Variants in TMEM232 observed in about 807,000 individuals in gnomAD.
The protein encoded by TMEM232 is transmembrane protein 232.
A neutral mutation model predicts 78.8 loss-of-function variants in TMEM232; 80 were observed. The ratio of observed to expected loss-of-function variants is 1.01; its 90% CI spans 0.85 to 1.22. TMEM232 has a LOEUF of 1.22. Among genes scored for constraint, TMEM232 ranks in the 50% most tolerant of loss-of-function variants. The probability of loss-of-function intolerance (pLI) is 0.00; values close to 1 mark genes in which losing one functional copy is unlikely to be tolerated. For missense variants in TMEM232, 881 were observed against 742.2 expected (o/e 1.19, Z -2.17); for synonymous variants, 297 against 254.3 (o/e 1.17, Z -1.60).
intron 12 of TMEM232, among the ~76,000 whole-genome samples, chr5:110,515,527 G>C (rs1768485402): frequency 6.6e-6 from 1 of 152,158 alleles, no homozygotes; most frequent in Non-Finnish European, 1.5e-5. Context: ...GTAGCAGTCA[G>C]GCACTATCCC....
intron 2 of TMEM232, among the ~76,000 whole-genome samples, chr5:110,405,649 G>C (rs930123477): frequency 4.0e-5 from 6 of 150,456 alleles, no homozygotes; most frequent in Non-Finnish European, 8.9e-5. Flanking sequence ...TTGTTGAATG[G>C]GTCTTCAAGT....
chr5:110,545,123 G>A (rs1469400286), intron 11 of TMEM232, among the ~76,000 whole-genome samples: 2 of 152,070 alleles, frequency 1.3e-5, no homozygotes, highest in Non-Finnish European at 1.5e-5. Flanking sequence ...CTAGCACATG[G>A]AAGTGTTTCA....
intron 1 of TMEM232, among the ~76,000 whole-genome samples, chr5:110,678,550 TAC>T (rs1792321772): frequency 6.6e-6 from 1 of 152,208 alleles, no homozygotes; most frequent in African/African-American, 2.4e-5. Context: ...GTCCATAGTT[TAC>T]ATTAGGGTTC....
intron 2 of TMEM232, among the ~76,000 whole-genome samples, chr5:110,659,913 G>C (rs1158065456): frequency 6.6e-6 from 1 of 151,900 alleles, no homozygotes; most frequent in East Asian, 1.9e-4. Flanking sequence ...AAGAGTAAAA[G>C]ATGTAACAGA....
chr5:110,442,675 T>C (rs1759197183), intron 12 of TMEM232, among the ~76,000 whole-genome samples: 1 of 152,196 alleles, frequency 6.6e-6, no homozygotes, highest in East Asian at 1.9e-4. Flanking sequence ...ATGGTCTTTA[T>C]GCTTGTAGAT....
chr5:110,532,185 TTG>T, intron 11 of TMEM232, among the ~76,000 whole-genome samples: 1 of 152,232 alleles, frequency 6.6e-6, no homozygotes, highest in South Asian at 2.1e-4. Context: ...CGTATCCCAT[TTG>T]TGCAGGATCC....
intron 1 of TMEM232, among the ~76,000 whole-genome samples, chr5:110,697,036 G>T (rs1306330414): frequency 1.3e-5 from 2 of 152,154 alleles, no homozygotes; most frequent in Non-Finnish European, 2.9e-5. Context: ...CACGCTACCT[G>T]ACTTCAAACT....
At chr5:110,461,676 G>C (rs548901867) in intron 12 of TMEM232, among the ~76,000 whole-genome samples, 1 of 152,278 alleles carries the variant, frequency 6.6e-6, no homozygotes, top group Non-Finnish European at 1.5e-5. Context: ...TCAAAGGACA[G>C]GCTGACCATC....
At chr5:110,686,851 T>C (rs1402855352) in intron 1 of TMEM232, among the ~76,000 whole-genome samples, 1 of 152,152 alleles carries the variant, frequency 6.6e-6, no homozygotes, top group South Asian at 2.1e-4. Context: ...TTCACAGTCA[T>C]GAGACCAAGG....
intron 7 of TMEM232, among the ~76,000 whole-genome samples, chr5:110,623,291 G>T (rs1477190592): frequency 2.6e-5 from 4 of 152,126 alleles, no homozygotes; most frequent in East Asian, 3.9e-4. Flanking sequence ...ATGCAATTTT[G>T]GTAGCACTTT....
intron 11 of TMEM232, among the ~76,000 whole-genome samples, chr5:110,530,133 C>G (rs73783610): frequency 0.041 from 6,164 of 152,054 alleles, 200 homozygotes; most frequent in African/African-American, 0.087. Flanking sequence ...AAATTACTGA[C>G]GAAAGACTGA....
chr5:110,506,351 A>G (rs1580980768), intron 12 of TMEM232, among the ~76,000 whole-genome samples: 1 of 152,104 alleles, frequency 6.6e-6, no homozygotes, highest in Admixed American at 6.6e-5. Flanking sequence ...AATCTACTTG[A>G]GTTCAAACAG....
chr5:110,676,326 A>G (rs1554075457), intron 1 of TMEM232, among the ~76,000 whole-genome samples: 1 of 148,256 alleles, frequency 6.7e-6, no homozygotes, highest in Non-Finnish European at 1.5e-5. Flanking sequence ...TCTATTTTCA[A>G]TTTTTTTTTT....
At position 110,528,581 on chromosome 5, in the gene TMEM232, T is replaced by C; in HGVS notation, c.1703+7A>G. On this transcript the variant is annotated splice_region_variant and intron_variant, in intron 12 of 13. Coordinates refer to ENST00000455884, the MANE Select transcript of TMEM232 (RefSeq NM_001039763.4). ...AGAACAATAAAACCGATAGTACTTCTCTTTACCTTACAGTGAAATGTAGAA... is the reference window on the plus strand; with the variant it reads ...AGAACAATAAAACCGATAGTACTTCCCTTTACCTTACAGTGAAATGTAGAA... 1 of 1,526,450 alleles carries C rather than the reference T, an allele frequency of 6.6e-7. No homozygotes were observed. 94.6% of individuals were successfully genotyped at this position (1,526,450 alleles called of 1,614,324 possible). A position where few individuals can be genotyped will look rare whatever the true frequency, so the allele number is the denominator to read the frequency against.
chr5:110,486,373 T>G (rs1337824678), intron 12 of TMEM232, among the ~76,000 whole-genome samples: 3 of 152,162 alleles, frequency 2.0e-5, no homozygotes, highest in Non-Finnish European at 4.4e-5. Context: ...CTTTGGGTTC[T>G]TGGTCATGAA....
In TMEM232 at chr5:110,676,719, G is replaced by A. The variant is rs575339545; in HGVS notation, c.-12-9355C>T. On this transcript the variant is annotated intron_variant, in intron 1 of 13. Transcript: ENST00000455884. The stretch of plus-strand genomic sequence containing the variant: ...GATTATGGGAGTAAGCCACCATGCC[G>A]GACCCTTCATCTTTTATTTATTTAT... Among the ~76,000 whole-genome samples the A allele has an allele frequency of 1.3e-4, 19 of 149,012 alleles. No individual in the cohort carries two copies. The South Asian group carries it at 2.8e-3, about 22-fold the overall frequency.
chr5:110,653,200 T>TA (rs1319122974), intron 2 of TMEM232, among the ~76,000 whole-genome samples: 1 of 152,146 alleles, frequency 6.6e-6, no homozygotes. Context: ...AGATGTTCCT[T>TA]AAAAAAGAAA....
intron 2 of TMEM232, among the ~76,000 whole-genome samples, chr5:110,650,262 T>C (rs1466443336): frequency 6.6e-6 from 1 of 152,072 alleles, no homozygotes; most frequent in Admixed American, 6.6e-5. Context: ...TCTCCAATAG[T>C]ATACAAACAG....
At chr5:110,641,536 T>A (rs1466353771) in intron 3 of TMEM232, among the ~76,000 whole-genome samples, 1 of 152,184 alleles carries the variant, frequency 6.6e-6, no homozygotes, top group Non-Finnish European at 1.5e-5. Flanking sequence ...TCCTGGCACC[T>A]GTCTGCATAC....
Sources: gnomAD v4.1 joint callset for allele counts (sites outside exome capture counted in the v4.1 genomes callset) on GRCh38, gnomAD v4.1.1 for gene constraint, MANE v1.5 for transcripts, NCBI Gene and HGNC (gene_info 2026-07-23, HGNC 2026-07-21) for gene names.